Variants in ATXN1 observed in about 807,000 individuals in gnomAD.
ATXN1 encodes the protein ataxin-1.
ATXN1 carries 8 observed loss-of-function variants against 56.4 expected under a neutral mutation model. The observed-to-expected ratio is 0.14, with a 90% CI of 0.08 to 0.26. ATXN1 has a LOEUF of 0.26. ATXN1 is among the 10% of genes least tolerant of loss of function. The probability of loss-of-function intolerance (pLI) is 1.00; values close to 1 mark genes in which losing one functional copy is unlikely to be tolerated. For synonymous variants in ATXN1, 514 were observed against 494.6 expected (o/e 1.04, Z -0.52); for missense variants, 987 against 1,106.5 (o/e 0.89, Z 1.53).
rs1475425579 is a variant in ATXN1, at chr6:16,304,921, C to CCCG, written c.*1407_*1408insCGG. Reference sequence around the variant, plus strand: ...ACTCTGCATATGCCTTGAACTGATTCTCAGACATCAAAGTGAAAAGTGCCT... The same window carrying CCCG: ...ACTCTGCATATGCCTTGAACTGATTCCCGTCAGACATCAAAGTGAAAAGTGCCT... On this transcript the variant is annotated 3_prime_UTR_variant, in exon 8 of 8. Transcript: ENST00000436367. 6.6e-6 allele frequency: 1 copy of CCCG among 152,622 alleles called. No individual in the cohort carries two copies. Among genetic ancestry groups the CCCG allele is most frequent in the Non-Finnish European group, 1.5e-5 (1 of 68,036 alleles). 9.5% of individuals were successfully genotyped at this position (152,622 alleles called of 1,614,324 possible).
At chr6:16,702,675 G>A (rs1759311934) in intron 2 of ATXN1, among the ~76,000 whole-genome samples, 1 of 152,184 alleles carries the variant, frequency 6.6e-6, no homozygotes, top group African/African-American at 2.4e-5. Flanking sequence ...AGTGGGCGAA[G>A]GATATGAATA....
At chr6:16,618,369 G>A (rs1193079723) in intron 3 of ATXN1, among the ~76,000 whole-genome samples, 1 of 152,172 alleles carries the variant, frequency 6.6e-6, no homozygotes, top group Non-Finnish European at 1.5e-5. Flanking sequence ...TATGGCACAT[G>A]TATACCTATG....
intron 6 of ATXN1, among the ~76,000 whole-genome samples, chr6:16,354,386 T>C (rs1428804924): frequency 3.3e-5 from 5 of 152,074 alleles, no homozygotes; most frequent in Admixed American, 1.3e-4. Flanking sequence ...GCCTCTCTAG[T>C]AGCTGGGACT....
intron 3 of ATXN1, among the ~76,000 whole-genome samples, chr6:16,601,929 T>A (rs1254997994): frequency 2.0e-5 from 3 of 152,198 alleles, no homozygotes; most frequent in Admixed American, 2.0e-4. Flanking sequence ...GCGTATTTTG[T>A]GCAAGCGTAA....
intron 2 of ATXN1, among the ~76,000 whole-genome samples, chr6:16,732,624 C>G (rs753984968): frequency 1.6e-4 from 24 of 152,086 alleles, no homozygotes; most frequent in Non-Finnish European, 3.1e-4. Context: ...ATCATAATAG[C>G]TGATAAAAGA....
intron 2 of ATXN1, among the ~76,000 whole-genome samples, chr6:16,732,109 CTCT>C (rs1410791721): frequency 6.6e-6 from 1 of 152,120 alleles, no homozygotes. Context: ...TCATATGTAG[CTCT>C]TTTTTCATAT....
chr6:16,501,676 T>C (rs933770248), intron 5 of ATXN1, among the ~76,000 whole-genome samples: 12 of 152,224 alleles, frequency 7.9e-5, no homozygotes, highest in African/African-American at 2.9e-4. Flanking sequence ...GGCTGCATAG[T>C]ATTCCATGGT....
intron 6 of ATXN1, among the ~76,000 whole-genome samples, chr6:16,355,325 G>A (rs1409238095): frequency 6.6e-6 from 1 of 152,184 alleles, no homozygotes; most frequent in East Asian, 1.9e-4. Context: ...ACGGAAAACT[G>A]CAGCAGGAAT....
intron 6 of ATXN1, among the ~76,000 whole-genome samples, chr6:16,453,863 G>A (rs1008474181): frequency 2.0e-5 from 3 of 152,148 alleles, no homozygotes; most frequent in African/African-American, 7.2e-5. Context: ...AATCGAAGCT[G>A]GGCGAGATGG....
intron 6 of ATXN1, among the ~76,000 whole-genome samples, chr6:16,411,097 C>G (rs1466961920): frequency 7.2e-6 from 1 of 138,696 alleles, no homozygotes. Flanking sequence ...GGCACTCCAG[C>G]CTGGGTGACA....
At chr6:16,348,267 G>A (rs1342995380) in intron 6 of ATXN1, among the ~76,000 whole-genome samples, 3 of 152,036 alleles carry the variant, frequency 2.0e-5, no homozygotes, top group Non-Finnish European at 4.4e-5. Context: ...GTTTCATCAC[G>A]CTGTGCAGGC....
At chr6:16,523,660 A>C (rs1000466319) in intron 4 of ATXN1, among the ~76,000 whole-genome samples, 1 of 152,118 alleles carries the variant, frequency 6.6e-6, no homozygotes, top group Non-Finnish European at 1.5e-5. Context: ...CCCTGCAGTG[A>C]TCTGTATGTA....
chr6:16,446,431 T>C (rs1427688306), intron 6 of ATXN1, among the ~76,000 whole-genome samples: 2 of 152,214 alleles, frequency 1.3e-5, no homozygotes, highest in East Asian at 1.9e-4. Flanking sequence ...AGCCTTCCTT[T>C]GGGGTGCCTG....
At chr6:16,655,299 T>C (rs981585739) in intron 3 of ATXN1, among the ~76,000 whole-genome samples, 1 of 152,168 alleles carries the variant, frequency 6.6e-6, no homozygotes, top group Non-Finnish European at 1.5e-5. Context: ...GGCAGGATGA[T>C]TGCTGGAGCC....
intron 4 of ATXN1, among the ~76,000 whole-genome samples, chr6:16,534,401 A>T (rs1281319649): frequency 4.0e-5 from 6 of 151,586 alleles, no homozygotes; most frequent in South Asian, 4.2e-4. Context: ...AGAGGAAAAA[A>T]AAATAAATTC....
intron 2 of ATXN1, among the ~76,000 whole-genome samples, chr6:16,676,802 T>C (rs1188548962): frequency 6.6e-6 from 1 of 152,144 alleles, no homozygotes; most frequent in Non-Finnish European, 1.5e-5. Context: ...CAGATTTAAC[T>C]ACAAAACTGA....
chr6:16,732,280 T>C (rs919755714), intron 2 of ATXN1, among the ~76,000 whole-genome samples: 4 of 151,988 alleles, frequency 2.6e-5, no homozygotes, highest in African/African-American at 9.7e-5. Flanking sequence ...CATTGGAAAA[T>C]ATCACTCCGG....
chr6:16,399,363 T>C (rs1758520432), intron 6 of ATXN1, among the ~76,000 whole-genome samples: 1 of 152,212 alleles, frequency 6.6e-6, no homozygotes, highest in Non-Finnish European at 1.5e-5. Flanking sequence ...TGGAAAGGAC[T>C]TTCCCTGCTG....
intron 2 of ATXN1, among the ~76,000 whole-genome samples, chr6:16,676,296 C>A (rs978783670): frequency 2.0e-5 from 3 of 152,062 alleles, no homozygotes; most frequent in Non-Finnish European, 4.4e-5. Flanking sequence ...GTTTTAAGAC[C>A]CTGCCAGATT....
Sources: gnomAD v4.1 joint callset for allele counts (sites outside exome capture counted in the v4.1 genomes callset) on GRCh38, gnomAD v4.1.1 for gene constraint, MANE v1.5 for transcripts, NCBI Gene and HGNC (gene_info 2026-07-23, HGNC 2026-07-21) for gene names.